The following FRMPD4 variants were observed in gnomAD, a reference collection of about 807,000 sequenced individuals.
FRMPD4 encodes the protein FERM and PDZ domain containing 4.
FRMPD4 carries 22 observed loss-of-function variants against 94.1 expected under a neutral mutation model. The ratio of observed to expected loss-of-function variants is 0.23; its 90% CI spans 0.17 to 0.33. The LOEUF is 0.33. Ranked by LOEUF, FRMPD4 falls within the 10% of genes least tolerant of loss-of-function variation. The pLI is 1.00. For synonymous variants in FRMPD4, 631 were observed against 548.6 expected, an observed-to-expected ratio of 1.15 and a Z score of -2.10; for missense variants, 1,111 against 1,339.9, an observed-to-expected ratio of 0.83 and a Z score of 2.67.
intron 2 of FRMPD4, among the ~76,000 whole-genome samples, chrX:12,601,333 A>G (rs1029330682): frequency 8.9e-6 from 1 of 112,057 alleles, no homozygotes; most frequent in Non-Finnish European, 1.9e-5. Context: ...AGCTGAAAAC[A>G]CACGATGTGC....
intron 2 of FRMPD4, among the ~76,000 whole-genome samples, chrX:12,512,233 A>C (rs1443247361): frequency 8.9e-6 from 1 of 112,471 alleles, no homozygotes; most frequent in Non-Finnish European, 1.9e-5. Context: ...ATATTTTTTA[A>C]GTTCTGGGAT....
intron 3 of FRMPD4, among the ~76,000 whole-genome samples, chrX:12,072,035 G>A (rs189907521): frequency 5.2e-4 from 58 of 110,918 alleles, no homozygotes; most frequent in African/African-American, 1.8e-3. Context: ...CTGTTCCTCA[G>A]GCTGGCATAC....
At chrX:12,686,970 A>G (rs1028860651) in intron 7 of FRMPD4, among the ~76,000 whole-genome samples, 2 of 112,131 alleles carry the variant, frequency 1.8e-5, no homozygotes, top group Non-Finnish European at 3.8e-5. Context: ...AGTAAAAAAG[A>G]TTTTATGAAG....
chrX:12,044,694 G>A (rs147366650), intron 3 of FRMPD4, among the ~76,000 whole-genome samples: 1,335 of 111,367 alleles, frequency 0.012, 16 homozygotes, highest in African/African-American at 0.041. Flanking sequence ...CTAAGTCTTA[G>A]GTCTAAAGTT....
intron 14 of FRMPD4, among the ~76,000 whole-genome samples, chrX:12,712,407 G>A (rs767936767): frequency 1.4e-4 from 16 of 111,192 alleles, no homozygotes; most frequent in Non-Finnish European, 2.3e-4. Flanking sequence ...AAATTAGCCA[G>A]GTGTGGTGGC....
intron 1 of FRMPD4, among the ~76,000 whole-genome samples, chrX:12,163,463 A>T (rs1348258356): frequency 1.9e-4 from 6 of 31,993 alleles, no homozygotes; most frequent in African/African-American, 1.3e-3. Context: ...GACCCTTTGT[A>T]AAAAAAAAAA....
chrX:12,160,068 G>GGTGTGTGTGTGT lies in FRMPD4; in HGVS notation c.41+21075_41+21086dup, dbSNP rs757966489. Among the ~76,000 whole-genome samples, 499 of 100,066 alleles carry GGTGTGTGTGTGT rather than the reference G, an allele frequency of 5.0e-3. 7 individuals carry two copies. Among genetic ancestry groups the GGTGTGTGTGTGT allele is most frequent in the African/African-American group, 0.017 (460 of 26,865 alleles). 86.9% of individuals were successfully genotyped at this position (100,066 alleles called of 115,157 possible). ...ACTGAGGTAGCTGTAGATGTTGAGG[G>GGTGTGTGTGTGT]GTGTGTGTGTGTGTGTGTGTGTGTG... is the stretch of plus-strand genomic sequence containing the variant. On this transcript the variant is annotated intron_variant, in intron 1 of 16. Transcript: ENST00000675598.
At chrX:11,885,130 T>C (rs1223531376) in intron 3 of FRMPD4, among the ~76,000 whole-genome samples, 1 of 112,006 alleles carries the variant, frequency 8.9e-6, no homozygotes, top group Non-Finnish European at 1.9e-5. Context: ...AGAAGCCCAG[T>C]GTCCATCAGT....
chrX:12,324,009 A>T (rs1176298278), intron 1 of FRMPD4, among the ~76,000 whole-genome samples: 2 of 111,793 alleles, frequency 1.8e-5, no homozygotes, highest in Non-Finnish European at 3.8e-5. Context: ...TGTGTCAACA[A>T]ATATAAGGAA....
intron 3 of FRMPD4, among the ~76,000 whole-genome samples, chrX:11,991,359 A>G (rs1005161169): frequency 5.4e-5 from 6 of 111,831 alleles, no homozygotes; most frequent in African/African-American, 1.6e-4. Context: ...TAATTAGTCC[A>G]TGGAAGTAAT....
At chrX:12,501,027 A>G (rs1435555695) in intron 2 of FRMPD4, among the ~76,000 whole-genome samples, 1 of 112,353 alleles carries the variant, frequency 8.9e-6, no homozygotes, top group Non-Finnish European at 1.9e-5. Context: ...CATACATTCC[A>G]GGTCATTCCA....
At chrX:12,132,251 G>C (rs199576604) in intron 3 of FRMPD4, among the ~76,000 whole-genome samples, 1 of 108,360 alleles carries the variant, frequency 9.2e-6, no homozygotes, top group Non-Finnish European at 1.9e-5. Flanking sequence ...AAAAAAAAAA[G>C]TTAAAAGTGG....
At chrX:12,442,626 G>A (rs1275832732) in intron 1 of FRMPD4, among the ~76,000 whole-genome samples, 1 of 111,559 alleles carries the variant, frequency 9.0e-6, no homozygotes, top group African/African-American at 3.3e-5. Context: ...TACACTTCTG[G>A]TGGGAATAAA....
At chrX:12,670,567 C>T (rs1482266731) in intron 4 of FRMPD4, among the ~76,000 whole-genome samples, 1 of 111,897 alleles carries the variant, frequency 8.9e-6, no homozygotes, top group Non-Finnish European at 1.9e-5. Flanking sequence ...GGATCCCTTC[C>T]ACCTTATACA....
Position 11,825,914 on chromosome X carries a change from C to T in FRMPD4, c.-161+3199C>T, listed in dbSNP as rs775865049. ...CAGGATCATTTTGTTTTATTGTCAC[C>T]TTTACCTCATGGATTCATTTTTGGT... On this transcript the variant is annotated intron_variant, in intron 1 of 18. Transcript: ENST00000640291. Among the ~76,000 whole-genome samples the T allele has an allele frequency of 2.7e-5, 3 of 112,157 alleles. No homozygotes were observed. In the East Asian group the frequency reaches 8.4e-4, roughly 31 times the overall value.
intron 3 of FRMPD4, among the ~76,000 whole-genome samples, chrX:11,932,430 G>A (rs1395467951): frequency 9.0e-6 from 1 of 110,901 alleles, no homozygotes; most frequent in Non-Finnish European, 1.9e-5. Flanking sequence ...CTAACTTAAG[G>A]CAGTACTATT....
At chrX:12,067,543 G>A (rs904158220) in intron 3 of FRMPD4, among the ~76,000 whole-genome samples, 2 of 108,901 alleles carry the variant, frequency 1.8e-5, no homozygotes, top group East Asian at 2.9e-4. Flanking sequence ...TCAGCCTCCC[G>A]AGTAGCTGAG....
chrX:12,555,935 T>G (rs1262217101), intron 2 of FRMPD4, among the ~76,000 whole-genome samples: 1 of 111,612 alleles, frequency 9.0e-6, no homozygotes, highest in African/African-American at 3.3e-5. Context: ...TGATGGGGTT[T>G]CACTATGTTG....
rs185675467 is a variant in FRMPD4 at position 12,492,214 on chromosome X, T to G, written c.42-6466T>G. On this transcript the variant is annotated intron_variant, in intron 1 of 16. Coordinates refer to ENST00000675598, the MANE Select transcript of FRMPD4 (RefSeq NM_001368397.1). ...CCTGAAGACATCTGGATTCTGTCAC[T>G]GGATTGTTCACAAAGTGAGGCTGAA... 2.7e-5 allele frequency among the ~76,000 whole-genome samples: 3 copies of G among 112,082 alleles called. No homozygotes were observed. The East Asian group carries it at 8.4e-4, about 31-fold the overall frequency.
Sources: allele counts gnomAD v4.1 joint callset (sites outside exome capture counted in the v4.1 genomes callset), GRCh38; gene constraint gnomAD v4.1.1; transcripts MANE v1.5; gene names NCBI Gene and HGNC (gene_info 2026-07-23, HGNC 2026-07-21).